SLC24A4: variants seen among roughly 807,000 people sequenced by gnomAD.
SLC24A4 encodes the protein sodium/potassium/calcium exchanger 4.
In SLC24A4, 53 loss-of-function variants were observed where a neutral mutation model predicts 79.0. The ratio of observed to expected loss-of-function variants is 0.67; its 90% confidence interval spans 0.54 to 0.84. The LOEUF (loss-of-function observed/expected upper bound fraction) is 0.84, where lower values mean the gene tolerates loss of function less well. Among genes scored for constraint, SLC24A4 ranks in the 40% least tolerant of loss-of-function variants. SLC24A4 has a pLI of 0.00. For missense variants in SLC24A4, 731 were observed against 822.0 expected, an observed-to-expected ratio of 0.89 and a Z score of 1.35; for synonymous variants, 323 against 323.8, an observed-to-expected ratio of 1.00 and a Z score of 0.03.
intron 12 of SLC24A4, among the ~76,000 whole-genome samples, chr14:92,463,952 C>T (rs557035765): frequency 3.9e-5 from 6 of 152,224 alleles, no homozygotes; most frequent in Non-Finnish European, 8.8e-5. Context: ...TTTTCAAGGT[C>T]CATCCACGCT....
chr14:92,489,019 G>A (rs1232933327), intron 14 of SLC24A4, among the ~76,000 whole-genome samples: 1 of 152,214 alleles, frequency 6.6e-6, no homozygotes, highest in Non-Finnish European at 1.5e-5. Context: ...CATCATCTCA[G>A]AGTGGCTACA....
chr14:92,465,690 A>C (rs1160557896), intron 12 of SLC24A4, among the ~76,000 whole-genome samples: 1 of 151,874 alleles, frequency 6.6e-6, no homozygotes, highest in African/African-American at 2.4e-5. Flanking sequence ...GTGTCACTCG[A>C]CTGTGCCTGT....
rs1892615535 is a variant in SLC24A4 at position 92,443,420 on chromosome 14, G to A, written c.603G>A (p.Trp201Ter). The change falls in exon 7 of 17, where the codon TGG becomes TGA. Residue 201 changes from tryptophan to a stop codon, truncating the protein, a stop_gained. Transcript: ENST00000532405. LOFTEE classifies it high-confidence loss of function. Reference protein sequence around the residue: ...FAGQVVRLTWWAVCRDSVYYT... With the variant: ...FAGQVVRLTW ...GGCAGGTGGTCCGTCTGACGTGGTG[G>A]GCCGTGTGCCGAGACTCCGTGTACT... The A allele has an allele frequency of 1.2e-6, 2 of 1,614,028 alleles. No homozygotes were observed. Among genetic ancestry groups the A allele is most frequent in the Non-Finnish European group, 1.7e-6 (2 of 1,180,036 alleles).
At chr14:92,401,719 GT>G (rs1334327491) in intron 2 of SLC24A4, among the ~76,000 whole-genome samples, 1 of 152,136 alleles carries the variant, frequency 6.6e-6, no homozygotes. Context: ...TAACCTCTCT[GT>G]CCCCTACATG....
At chr14:92,415,927 C>T (rs559806737) in intron 2 of SLC24A4, among the ~76,000 whole-genome samples, 6 of 152,182 alleles carry the variant, frequency 3.9e-5, no homozygotes, top group Non-Finnish European at 8.8e-5. Flanking sequence ...TCCTTTCCCA[C>T]TTTTTCCCCG....
At chr14:92,331,489 C>T (rs1482844902) in intron 2 of SLC24A4, among the ~76,000 whole-genome samples, 2 of 152,140 alleles carry the variant, frequency 1.3e-5, no homozygotes, top group African/African-American at 4.8e-5. Flanking sequence ...CACCATGTTA[C>T]CCAGGCTGTT....
At chr14:92,346,251 A>G (rs931174218) in intron 2 of SLC24A4, among the ~76,000 whole-genome samples, 1 of 152,182 alleles carries the variant, frequency 6.6e-6, no homozygotes, top group African/African-American at 2.4e-5. Flanking sequence ...TAGCAGATGC[A>G]GTGCTATAGG....
intron 10 of SLC24A4, among the ~76,000 whole-genome samples, chr14:92,449,487 G>A (rs983030444): frequency 6.6e-6 from 1 of 152,172 alleles, no homozygotes; most frequent in Non-Finnish European, 1.5e-5. Flanking sequence ...ACGTTTCTGG[G>A]CGCTTTCCCA....
intron 2 of SLC24A4, among the ~76,000 whole-genome samples, chr14:92,424,912 G>A (rs993158754): frequency 8.3e-6 from 1 of 119,820 alleles, no homozygotes; most frequent in South Asian, 2.5e-4. Flanking sequence ...CAGCTCTTGC[G>A]GGAACTAATA....
Position 92,413,319 on chromosome 14 carries a change from C to T in SLC24A4, c.242-20593C>T, listed in dbSNP as rs576033284. 1.1e-4 allele frequency among the ~76,000 whole-genome samples: 16 copies of T among 152,292 alleles called. No homozygotes were observed. In the South Asian group the frequency reaches 3.1e-3, roughly 30 times the overall value. On this transcript the variant is annotated intron_variant, in intron 2 of 16. Coordinates refer to ENST00000532405, the MANE Select transcript of SLC24A4 (RefSeq NM_153646.4). ...AACACCTGCCCAGAATTCCCAGTCT[C>T]CTGGGCTCCCTCCCGCCCCCCTGCC...
intron 2 of SLC24A4, among the ~76,000 whole-genome samples, chr14:92,381,679 T>C (rs1888861034): frequency 6.6e-6 from 1 of 152,188 alleles, no homozygotes; most frequent in African/African-American, 2.4e-5. Flanking sequence ...TCTTCAATTA[T>C]TGAGTGATAT....
intron 2 of SLC24A4, among the ~76,000 whole-genome samples, chr14:92,387,115 G>A (rs929087791): frequency 7.9e-5 from 12 of 151,810 alleles, no homozygotes; most frequent in African/African-American, 2.9e-4. Context: ...TAGGGGTGGG[G>A]TGGGGGTTCC....
intron 3 of SLC24A4, among the ~76,000 whole-genome samples, chr14:92,439,093 G>C (rs78728913): frequency 6.6e-6 from 1 of 152,216 alleles, no homozygotes; most frequent in Non-Finnish European, 1.5e-5. Flanking sequence ...GGAATGAGCC[G>C]CAGTGGCCTG....
At chr14:92,362,373 C>T (rs567946024) in intron 2 of SLC24A4, among the ~76,000 whole-genome samples, 1 of 152,206 alleles carries the variant, frequency 6.6e-6, no homozygotes, top group Non-Finnish European at 1.5e-5. Flanking sequence ...CCCTCTCTCA[C>T]CCCGCCCTTC....
chr14:92,340,581 A>AC (rs11380774), intron 2 of SLC24A4, among the ~76,000 whole-genome samples: 150,447 of 152,224 alleles, frequency 0.99, 74,369 homozygotes, highest in Middle Eastern at 1. Flanking sequence ...ATCATGCCAA[A>AC]CCTGCAGGGG....
rs562370744 is a variant in SLC24A4, at chr14:92,399,909, G to T, written c.242-34003G>T. Among the ~76,000 whole-genome samples the T allele has an allele frequency of 2.0e-5, 3 of 152,018 alleles. No individual in the cohort carries two copies. In the South Asian group the frequency reaches 6.2e-4, roughly 32 times the overall value. ...TGGGATACAGTTTTTGTTTCTTGGG[G>T]GGTTTTTTGAGACAGAGTTTTACTC... On this transcript the variant is annotated intron_variant, in intron 2 of 16. Coordinates refer to ENST00000532405, the MANE Select transcript of SLC24A4 (RefSeq NM_153646.4).
At position 92,447,234 on chromosome 14, in the gene SLC24A4, G is replaced by T. The variant is rs1007618826; in HGVS notation, c.684-137G>T. On this transcript the variant is annotated intron_variant, in intron 8 of 16. Coordinates refer to ENST00000532405, the MANE Select transcript of SLC24A4 (RefSeq NM_153646.4). ...ACAGGCTGGGGGATCTCTCTCACAT[G>T]CCTGGGTTCTGGGCCCGGCACTAGG... 5 of 700,986 alleles carry T rather than the reference G, an allele frequency of 7.1e-6. No homozygotes were observed. The Admixed American group carries it at 1.2e-4, about 17-fold the overall frequency. 43.4% of individuals were successfully genotyped at this position (700,986 alleles called of 1,614,324 possible). A position where few individuals can be genotyped will look rare whatever the true frequency, so the allele number is the denominator to read the frequency against.
chr14:92,343,643 T>TTC (rs1595140368), intron 2 of SLC24A4, among the ~76,000 whole-genome samples: 15 of 112,246 alleles, frequency 1.3e-4, no homozygotes, highest in South Asian at 6.0e-4. Flanking sequence ...TTTCTTTCTC[T>TTC]CTTTCCTTCT....
intron 2 of SLC24A4, among the ~76,000 whole-genome samples, chr14:92,351,001 G>C (rs1566705603): frequency 6.6e-6 from 1 of 152,162 alleles, no homozygotes; most frequent in Non-Finnish European, 1.5e-5. Flanking sequence ...ACCTGGAAGA[G>C]AGGGTCCTTA....
Sources: gnomAD v4.1 joint callset for allele counts (sites outside exome capture counted in the v4.1 genomes callset) on GRCh38, gnomAD v4.1.1 for gene constraint, MANE v1.5 for transcripts, NCBI Gene and HGNC (gene_info 2026-07-23, HGNC 2026-07-21) for gene names.